The following ATCAY variants were observed in gnomAD, a reference collection of about 807,000 sequenced individuals.
ATCAY encodes the protein ATCAY kinesin light chain interacting caytaxin.
A neutral mutation model predicts 47.7 loss-of-function variants in ATCAY; 22 were observed. The observed-to-expected ratio is 0.46, with a 90% confidence interval of 0.33 to 0.66. The LOEUF is 0.66. Ranked by LOEUF, ATCAY falls within the 30% of genes least tolerant of loss-of-function variation. The pLI, the probability that ATCAY is intolerant of heterozygous loss-of-function variation, is 0.02. For missense variants in ATCAY, 452 were observed against 515.0 expected (o/e 0.88, Z 1.18); for synonymous variants, 216 against 207.6 (o/e 1.04, Z -0.35).
intron 6 of ATCAY, 76 bp from the exon 7 acceptor site, chr19:3,909,410 G>A (rs1018306043): frequency 2.9e-5 from 43 of 1,492,012 alleles, no homozygotes; most frequent in Non-Finnish European, 3.7e-5. Context: ...GTGGAGGCAG[G>A]CAGGGTCGGC....
chr19:3,916,860 C>T (rs745871932), intron 9 of ATCAY, among the ~76,000 whole-genome samples: 2 of 151,174 alleles, frequency 1.3e-5, no homozygotes, highest in Non-Finnish European at 2.9e-5. Flanking sequence ...TACGCTGGAA[C>T]GCAATGGCGC....
chr19:3,914,134 G>C (rs567143544), intron 9 of ATCAY, among the ~76,000 whole-genome samples: 7 of 151,548 alleles, frequency 4.6e-5, no homozygotes, highest in Admixed American at 4.0e-4. Context: ...TACTCAGGAG[G>C]CTGAGGCAGG....
At chr19:3,900,022 T>A (rs991506871) in intron 2 of ATCAY, among the ~76,000 whole-genome samples, 1 of 152,178 alleles carries the variant, frequency 6.6e-6, no homozygotes, top group Non-Finnish European at 1.5e-5. Flanking sequence ...TTATATTAGC[T>A]GTGTATATTT....
chr19:3,909,610 G>C lies in ATCAY; in HGVS notation c.772G>C (p.Asp258His), dbSNP rs762664911. ...GCTGAAGAAGTGCTACCAGATGATC[G>C]ACCGGAGGTGAGGTGGGGATGCCTC... ...GWLKKCYQMI[D>H]RRLRKNLKSL... Residue 258 changes from aspartate to histidine, a missense_variant, in exon 7 of 13, where the codon GAC (aspartate) becomes CAC (histidine). Physicochemically the swap from Asp to His is moderately conservative, Grantham distance 81 (BLOSUM62 -1). Transcript: ENST00000450849. 3.8e-6 allele frequency: 6 copies of C among 1,590,422 alleles called. No homozygotes were observed. The highest frequency in any genetic ancestry group is 5.1e-6 in the Non-Finnish European group (6 of 1,168,420).
At chr19:3,889,532 A>G (rs2038694700) in intron 2 of ATCAY, among the ~76,000 whole-genome samples, 2 of 152,274 alleles carry the variant, frequency 1.3e-5, no homozygotes, top group South Asian at 4.1e-4. Flanking sequence ...GGGACATCGC[A>G]GCAGTGAGCT....
At chr19:3,912,006 TA>T (rs1242246128) in intron 8 of ATCAY, among the ~76,000 whole-genome samples, 1 of 152,156 alleles carries the variant, frequency 6.6e-6, no homozygotes, top group East Asian at 1.9e-4. Flanking sequence ...GGCAAAACGG[TA>T]AACACGCATT....
intron 9 of ATCAY, among the ~76,000 whole-genome samples, chr19:3,915,167 TTTTA>T (rs1458639198): frequency 6.6e-6 from 1 of 152,054 alleles, no homozygotes; most frequent in Non-Finnish European, 1.5e-5. Flanking sequence ...CCTTTTTTAA[TTTTA>T]TTTATTTATT....
At chr19:3,887,740 C>A (rs1031112844) in intron 2 of ATCAY, among the ~76,000 whole-genome samples, 25 of 150,774 alleles carry the variant, frequency 1.7e-4, no homozygotes, top group Admixed American at 3.3e-4. Context: ...CCCACCTCGG[C>A]CTCCCAAAGT....
chr19:3,914,410 G>C (rs1271375900), intron 9 of ATCAY, among the ~76,000 whole-genome samples: 2 of 151,772 alleles, frequency 1.3e-5, no homozygotes, highest in Non-Finnish European at 2.9e-5. Context: ...ACTCACTGTC[G>C]CGAGAATAGC....
chr19:3,885,962 C>A, intron 2 of ATCAY, 118 bp downstream of exon 2: 2 of 951,194 alleles, frequency 2.1e-6, no homozygotes, highest in Non-Finnish European at 3.3e-6. Context: ...GGCCTGGTTC[C>A]ATCTCCGCGT....
At chr19:3,914,528 C>T (rs894317107) in intron 9 of ATCAY, among the ~76,000 whole-genome samples, 4 of 151,938 alleles carry the variant, frequency 2.6e-5, no homozygotes, top group Admixed American at 2.6e-4. Context: ...GTGAAGAGAC[C>T]AGGCAAGGTG....
chr19:3,885,602 G>GAGGGGGAGGGGA lies in ATCAY; in HGVS notation c.-41-113_-41-102dup, dbSNP rs1035163858. On this transcript the variant is annotated intron_variant, in intron 1 of 12. Transcript: ENST00000450849. ...AGGAGAGAGGAGAGGAGAAAGGAGA[G>GAGGGGGAGGGGA]AGGGGGAGGGGAAGGGGGAGGGGGA... 236 of 590,010 alleles carry GAGGGGGAGGGGA rather than the reference G, an allele frequency of 4.0e-4. 3 individuals are homozygous for GAGGGGGAGGGGA. Among genetic ancestry groups the GAGGGGGAGGGGA allele is most frequent in the African/African-American group, 3.0e-3 (157 of 51,980 alleles). The allele number at this position is 590,010 out of a possible 1,614,324, so 36.5% of individuals were successfully genotyped here. A position where few individuals can be genotyped will look rare whatever the true frequency, so the allele number is the denominator to read the frequency against.
At chr19:3,913,988 G>A (rs1248450262) in intron 9 of ATCAY, 132 bp downstream of exon 9, 18 of 717,310 alleles carry the variant, frequency 2.5e-5, no homozygotes, top group Non-Finnish European at 9.4e-6. Flanking sequence ...TGTAATCCCA[G>A]CACTTTGGGA....
At chr19:3,902,721 G>A (rs1345707005) in intron 3 of ATCAY, among the ~76,000 whole-genome samples, 176 bp downstream of exon 3, 3 of 152,142 alleles carry the variant, frequency 2.0e-5, no homozygotes, top group Admixed American at 6.6e-5. Context: ...GGATGATGGC[G>A]CTCTCATGAA....
At chr19:3,918,986 G>A in intron 11 of ATCAY, 109 bp downstream of exon 11, 1 of 1,346,356 alleles carries the variant, frequency 7.4e-7, no homozygotes, top group South Asian at 1.2e-5. Context: ...GACAGAAAAT[G>A]GAACTAAGTG....
intron 8 of ATCAY, among the ~76,000 whole-genome samples, chr19:3,913,342 C>A (rs763140386): frequency 3.3e-5 from 5 of 152,144 alleles, no homozygotes; most frequent in Non-Finnish European, 5.9e-5. Flanking sequence ...CCTTCTTGTG[C>A]CCAGCTGAGT....
chr19:3,883,479 C>T (rs546141752), intron 1 of ATCAY, among the ~76,000 whole-genome samples: 3 of 152,270 alleles, frequency 2.0e-5, no homozygotes, highest in East Asian at 1.9e-4. Context: ...TTCGCAAACA[C>T]GGGAATGCAC....
At chr19:3,892,205 ATT>A (rs559569115) in intron 2 of ATCAY, among the ~76,000 whole-genome samples, 1 of 140,408 alleles carries the variant, frequency 7.1e-6, no homozygotes. Context: ...TAACTTTTTA[ATT>A]TTTTTTTTTT....
chr19:3,908,492 C>A, intron 6 of ATCAY, 122 bp downstream of exon 6: 1 of 914,028 alleles, frequency 1.1e-6, no homozygotes, highest in Non-Finnish European at 1.7e-6. Context: ...CAGGGAAGGG[C>A]GTGGTGGCCA....
Sources: allele counts gnomAD v4.1 joint callset (sites outside exome capture counted in the v4.1 genomes callset), GRCh38; gene constraint gnomAD v4.1.1; transcripts MANE v1.5; gene names NCBI Gene and HGNC (gene_info 2026-07-23, HGNC 2026-07-21).